ANK1: variants seen among roughly 807,000 people sequenced by gnomAD.
The protein encoded by ANK1 is ankyrin 1, also known as ankyrin-1.
Under a neutral mutation model 210.4 loss-of-function variants are expected in ANK1, and 51 were observed. That is an observed-to-expected ratio of 0.24 (90% CI 0.19 to 0.31). The LOEUF is 0.31. Ranked by LOEUF, ANK1 falls within the 10% of genes least tolerant of loss-of-function variation. The probability of loss-of-function intolerance (pLI) is 1.00; values close to 1 mark genes in which losing one functional copy is unlikely to be tolerated. For missense variants in ANK1, 2,051 were observed against 2,504.4 expected (o/e 0.82, Z 3.86); for synonymous variants, 967 against 1,025.9 (o/e 0.94, Z 1.10).
intron 13 of ANK1, 95 bp from the exon 14 acceptor site, chr8:41,715,944 G>T: frequency 2.8e-6 from 4 of 1,429,772 alleles, no homozygotes; most frequent in Non-Finnish European, 3.9e-6. Context: ...CCCAGAGAGG[G>T]CAAGTGACCT....
At chr8:41,726,136 C>G (rs566674034) in intron 5 of ANK1, among the ~76,000 whole-genome samples, 190 bp from the exon 6 acceptor site, 3 of 152,318 alleles carry the variant, frequency 2.0e-5, no homozygotes, top group Non-Finnish European at 2.9e-5. Context: ...CTTCCTGCCT[C>G]CACTTCCTTT....
chr8:41,826,974 G>A (rs1563855478), intron 1 of ANK1, among the ~76,000 whole-genome samples: 1 of 152,142 alleles, frequency 6.6e-6, no homozygotes, highest in South Asian at 2.1e-4. Flanking sequence ...CTGTCAATAT[G>A]TTTAGCCTTT....
In ANK1 at chr8:41,714,961, A is replaced by G. The variant is rs763104134; in HGVS notation, c.1701+15T>C. On this transcript the variant is annotated intron_variant, in intron 15 of 42. Coordinates refer to ENST00000289734, the MANE Select transcript of ANK1 (RefSeq NM_000037.4). ...TAACCTGAGAGCTGCAGGGGAGGGC[A>G]GGGTTCAAACTCACTTTTCCGGCAG... is the stretch of plus-strand genomic sequence containing the variant. 2 of 1,613,776 alleles carry G rather than the reference A, an allele frequency of 1.2e-6. No homozygotes were observed. The highest frequency in any genetic ancestry group is 1.7e-6 in the Non-Finnish European group (2 of 1,179,630).
rs1401706948 is a variant in ANK1 at position 41,740,266 on chromosome 8, T to C, written c.130-6197A>G. On this transcript the variant is annotated intron_variant, in intron 2 of 42. Transcript: ENST00000289734. ...ACCTCCACCTCCCAAGTTCAAGCAA[T>C]TCACCTGCCTCAACCTCCCAAGTAG... 2.6e-5 allele frequency among the ~76,000 whole-genome samples: 4 copies of C among 151,840 alleles called. No homozygotes were observed. In the East Asian group the frequency reaches 7.7e-4, roughly 29 times the overall value.
Position 41,655,750 on chromosome 8 carries a change from G to A in ANK1, c.*40C>T. ...GTTCAGGGGTTGGGTGTCGAGGTGTGATCCTGGGAGACACAAAGAGAGAAG... is the reference window on the plus strand; with the variant it reads ...GTTCAGGGGTTGGGTGTCGAGGTGTAATCCTGGGAGACACAAAGAGAGAAG... On this transcript the variant is annotated 3_prime_UTR_variant, in exon 43 of 43. Transcript: ENST00000289734. 6.2e-7 allele frequency: 1 copy of A among 1,614,076 alleles called. No homozygotes were observed. The highest frequency in any genetic ancestry group is 8.5e-7 in the Non-Finnish European group (1 of 1,179,974).
Position 41,715,648 on chromosome 8 carries a change from G to A in ANK1, c.1602+4C>T, listed in dbSNP as rs754744414. ...TCCTTAGACCACGAGGCGGGAGGCT[G>A]TACCTTGGTCATGCAGGCCTGGGAT... On this transcript the variant is annotated splice_donor_region_variant and intron_variant, in intron 14 of 42. Transcript: ENST00000289734. The A allele has an allele frequency of 1.1e-5, 18 of 1,613,000 alleles. No individual in the cohort carries two copies. In the South Asian group the frequency reaches 1.9e-4, roughly 17 times the overall value.
In ANK1 at chr8:41,708,916, A is replaced by G. The variant is rs765030762; in HGVS notation, c.1860T>C (p.Ser620=). The G allele has an allele frequency of 1.2e-6, 2 of 1,614,130 alleles. No homozygotes were observed. Among genetic ancestry groups the G allele is most frequent in the East Asian group, 4.5e-5 (2 of 44,874 alleles). The change falls in exon 17 of 43, where the codon AGT becomes AGC. Residue 620 remains serine, a synonymous_variant. Coordinates refer to ENST00000289734, the MANE Select transcript of ANK1 (RefSeq NM_000037.4). ...TTGCTGAGCCCCCATACTGCAGCAG[A>G]CTACGGGCCACCTCCACCTGGTTCT... ...AKQNQVEVAR[S]LLQYGGSANA... is the part of the protein sequence containing the mutation.
At chr8:41,888,886 G>C (rs1213117943) in intron 1 of ANK1, among the ~76,000 whole-genome samples, 1 of 152,190 alleles carries the variant, frequency 6.6e-6, no homozygotes, top group Non-Finnish European at 1.5e-5. Flanking sequence ...ATTCCCACTG[G>C]AACCGGAGGC....
chr8:41,676,966 C>T (rs76427664), intron 37 of ANK1, among the ~76,000 whole-genome samples: 2,366 of 152,216 alleles, frequency 0.016, 22 homozygotes, highest in East Asian at 0.061. Flanking sequence ...CCAGTGAAGC[C>T]ATCTGGGCAT....
At position 41,694,714 on chromosome 8, in the gene ANK1, G is replaced by C; in HGVS notation, c.3205C>G (p.Leu1069Val). Reference protein sequence around the residue: ...FPLYFVIMSRLCQDYDTIGPE... With the variant: ...FPLYFVIMSRVCQDYDTIGPE... ...CCGATGGTGTCGTAGTCCTGGCAGA[G>C]CCGTGACATGATCACGAAGTACAGC... Residue 1069 changes from leucine (L) to valine (V), a missense_variant, in exon 28 of 43, where the codon CTC becomes GTC. By Grantham distance (32) the Leu-to-Val change is conservative. Coordinates refer to ENST00000289734, the MANE Select transcript of ANK1 (RefSeq NM_000037.4). This position sits in a 1 kb window ranked among gnomAD's most constrained non-coding sequence, Gnocchi z 5.7. 1 of 1,614,210 alleles carries C rather than the reference G, an allele frequency of 6.2e-7. No individual in the cohort carries two copies. The highest frequency in any genetic ancestry group is 8.5e-7 in the Non-Finnish European group (1 of 1,180,036).
At chr8:41,693,262 T>G in intron 29 of ANK1, 61 bp from the exon 30 acceptor site, 1 of 1,418,080 alleles carries the variant, frequency 7.1e-7, no homozygotes, top group Non-Finnish European at 1.0e-6. Context: ...TGGAGCTTAC[T>G]AAAATGCTAA....
At chr8:41,663,923 G>A (rs183984935) in intron 39 of ANK1, 181 bp from the exon 40 acceptor site, 27 of 672,192 alleles carry the variant, frequency 4.0e-5, no homozygotes, top group Middle Eastern at 3.3e-4. Context: ...CGTGGGCGGC[G>A]CCCCTGAGGG....
rs1850323791 is a variant in ANK1, at chr8:41,803,078, AGGAAG to A, written c.127-44946_127-44942del. On this transcript the variant is annotated intron_variant, in intron 1 of 42. Coordinates refer to the ANK1 transcript ENST00000265709. ...AAGAGAGAAAGGAAGGAAGGAAGGA[AGGAAG>A]GGAAGGAAAGGAAAGGAAAGGAAAG... is the stretch of plus-strand genomic sequence containing the variant. Among the ~76,000 whole-genome samples, 3 of 75,000 alleles carry A rather than the reference AGGAAG, an allele frequency of 4.0e-5. No homozygotes were observed. The East Asian group carries it at 9.1e-4, about 23-fold the overall frequency. The allele number at this position is 75,000 out of a possible 152,430, so 49.2% of individuals were successfully genotyped here. A position where few individuals can be genotyped will look rare whatever the true frequency, so the allele number is the denominator to read the frequency against.
At position 41,824,710 on chromosome 8, in the gene ANK1, G is replaced by T. The variant is rs145818510; in HGVS notation, c.127-66573C>A. 1.2e-3 allele frequency among the ~76,000 whole-genome samples: 189 copies of T among 152,230 alleles called. 3 individuals are homozygous for T. In the East Asian group the frequency reaches 0.033, roughly 27 times the overall value. ...GAGCCTCTGCCCTGACCCCGCCTTC[G>T]CCACTCTTATTTTCTAGACAGCAGA... On this transcript the variant is annotated intron_variant, in intron 1 of 42. Coordinates refer to the ANK1 transcript ENST00000265709.
rs1563464472 is a variant in ANK1 at position 41,696,683 on chromosome 8, GCACCGGGCTGGC to G, written c.2716_2727del (p.Ala906_Val909del). 3.7e-6 allele frequency: 6 copies of G among 1,604,010 alleles called. No homozygotes were observed. The highest frequency in any genetic ancestry group is 2.2e-5 in the South Asian group (2 of 91,062). On this transcript the variant is annotated inframe_deletion, in exon 25 of 43. Coordinates refer to ENST00000289734, the MANE Select transcript of ANK1 (RefSeq NM_000037.4). ...CCTGCGCCCGCCACTCACCCTGTAT[GCACCGGGCTGGC>G]CACCGGGCTGATGTTGTCTGAGGTC...
chr8:41,824,256 T>G (rs559659756), intron 1 of ANK1, among the ~76,000 whole-genome samples: 6 of 152,308 alleles, frequency 3.9e-5, no homozygotes, highest in Non-Finnish European at 7.3e-5. Flanking sequence ...TGAGCCAGCG[T>G]GCCCAGCCCT....
chr8:41,723,696 A>G (rs1156330013), intron 7 of ANK1, 63 bp from the exon 8 acceptor site: 15 of 1,477,568 alleles, frequency 1.0e-5, no homozygotes, highest in Admixed American at 1.7e-5. Flanking sequence ...GCTGCTGTGC[A>G]CCCGCTCCCC....
chr8:41,849,536 G>A (rs1226279834), intron 1 of ANK1, among the ~76,000 whole-genome samples: 2 of 145,674 alleles, frequency 1.4e-5, no homozygotes, highest in Admixed American at 1.4e-4. Context: ...AAAAAAAAAT[G>A]TAGTCATTTA....
intron 1 of ANK1, among the ~76,000 whole-genome samples, chr8:41,778,611 G>A (rs534747197): frequency 2.0e-5 from 3 of 152,272 alleles, no homozygotes; most frequent in African/African-American, 2.4e-5. Context: ...ATTAAAACAT[G>A]TATGTTAGAC....
Sources: gnomAD v4.1 joint callset for allele counts (sites outside exome capture counted in the v4.1 genomes callset) on GRCh38, gnomAD v4.1.1 for gene constraint, Gnocchi (gnomAD v3.1) non-coding constraint, MANE v1.5 for transcripts, NCBI Gene and HGNC (gene_info 2026-07-23, HGNC 2026-07-21) for gene names.